ZNF98: variants seen among roughly 807,000 people sequenced by gnomAD.
ZNF98 encodes the protein zinc finger protein 739.
ZNF98 carries 8 observed loss-of-function variants against 12.8 expected under a neutral mutation model. The ratio of observed to expected loss-of-function variants is 0.63; its 90% CI spans 0.37 to 1.13. The LOEUF (loss-of-function observed/expected upper bound fraction) is 1.13. ZNF98 is among the 50% of genes most tolerant of loss of function. ZNF98 has a pLI of 0.01. For synonymous variants in ZNF98, 112 were observed against 223.5 expected (o/e 0.50, Z 4.45); for missense variants, 379 against 666.1 (o/e 0.57, Z 4.74).
Position 22,402,800 on chromosome 19 carries a change from G to C in ZNF98, c.242C>G (p.Thr81Ser). 6.3e-7 allele frequency: 1 copy of C among 1,595,520 alleles called. No homozygotes were observed. The highest frequency in any genetic ancestry group is 8.5e-7 in the Non-Finnish European group (1 of 1,173,804). Residue 81 changes from threonine to serine, a missense_variant, in exon 3 of 4, where the codon ACT becomes AGT. Thr to Ser is a moderately conservative substitution (Grantham distance 58). Transcript: ENST00000357774. ...PWNVKRHEMV[T>S]EPPVVYSYFA... ...TCACTCTCACCTACCTGGGGGTTCA[G>C]TTACCATCTCATGTCTCTTCACATT...
chr19:22,399,807 C>T (rs892513821), intron 3 of ZNF98, among the ~76,000 whole-genome samples: 2 of 152,132 alleles, frequency 1.3e-5, no homozygotes, highest in African/African-American at 4.8e-5. Flanking sequence ...CAAGAAAATT[C>T]ATCAGCCTGA....
intron 1 of ZNF98, among the ~76,000 whole-genome samples, chr19:22,418,707 C>T (rs1969672205): frequency 1.3e-5 from 2 of 152,108 alleles, no homozygotes; most frequent in African/African-American, 2.4e-5. Context: ...GGTGAAACCC[C>T]GCCTCTACTA....
chr19:22,410,387 T>C (rs1283084604), intron 1 of ZNF98, among the ~76,000 whole-genome samples: 3 of 152,160 alleles, frequency 2.0e-5, no homozygotes, highest in Non-Finnish European at 2.9e-5. Context: ...AAATAAAATA[T>C]GGTACATACA....
At chr19:22,417,744 A>G (rs2033494) in intron 1 of ZNF98, among the ~76,000 whole-genome samples, 58,695 of 151,960 alleles carry the variant, frequency 0.39, 11,984 homozygotes, top group Middle Eastern at 0.58. Flanking sequence ...TAGAATCAAA[A>G]ATGCTGTTGT....
At chr19:22,406,762 A>C (rs1439553879) in intron 1 of ZNF98, among the ~76,000 whole-genome samples, 3 of 151,662 alleles carry the variant, frequency 2.0e-5, no homozygotes, top group African/African-American at 7.3e-5. Context: ...GCTTGCAGTG[A>C]GCTGAGATCG....
intron 1 of ZNF98, among the ~76,000 whole-genome samples, chr19:22,411,744 T>C (rs1969583397): frequency 6.6e-6 from 1 of 152,234 alleles, no homozygotes; most frequent in African/African-American, 2.4e-5. Flanking sequence ...TCCTCCCTTA[T>C]TTTCACATAT....
Position 22,419,741 on chromosome 19 carries a change from C to T in ZNF98, c.30+2454G>A, listed in dbSNP as rs903446277. ...TAGTAAACAATTAGTCATATGGGAC[C>T]ATTTCTAGGAGGTACCAAGTTTTAT... On this transcript the variant is annotated intron_variant, in intron 1 of 3. Coordinates refer to ENST00000357774, the MANE Select transcript of ZNF98 (RefSeq NM_001098626.2). 5.9e-5 allele frequency among the ~76,000 whole-genome samples: 9 copies of T among 152,138 alleles called. No homozygotes were observed. In the East Asian group the frequency reaches 1.7e-3, roughly 29 times the overall value.
chr19:22,411,119 T>G (rs141647920), intron 1 of ZNF98, among the ~76,000 whole-genome samples: 2,353 of 152,320 alleles, frequency 0.015, 74 homozygotes, highest in African/African-American at 0.054. Flanking sequence ...CTGCACTTAC[T>G]GCAACCTCTG....
At chr19:22,421,627 G>A (rs1969705116) in intron 1 of ZNF98, among the ~76,000 whole-genome samples, 1 of 152,118 alleles carries the variant, frequency 6.6e-6, no homozygotes, top group African/African-American at 2.4e-5. Flanking sequence ...CTACGTAAAT[G>A]TACCTAACCG....
intron 3 of ZNF98, among the ~76,000 whole-genome samples, chr19:22,396,354 A>G (rs1320825470): frequency 6.6e-6 from 1 of 152,140 alleles, no homozygotes; most frequent in Non-Finnish European, 1.5e-5. Context: ...AGTTTTATGG[A>G]ACCCCCAAGG....
chr19:22,397,307 A>G (rs1029414082), intron 3 of ZNF98, among the ~76,000 whole-genome samples: 1 of 151,996 alleles, frequency 6.6e-6, no homozygotes, highest in Non-Finnish European at 1.5e-5. Flanking sequence ...AGAGCAACAT[A>G]ATTATAGTAG....
chr19:22,421,863 A>G (rs1355172149), intron 1 of ZNF98, among the ~76,000 whole-genome samples: 1 of 152,126 alleles, frequency 6.6e-6, no homozygotes, highest in Admixed American at 6.6e-5. Flanking sequence ...CCTCACCCCC[A>G]GCACCCCGAG....
chr19:22,406,904 G>A (rs1283506091), intron 1 of ZNF98, among the ~76,000 whole-genome samples: 1 of 152,130 alleles, frequency 6.6e-6, no homozygotes, highest in Non-Finnish European at 1.5e-5. Context: ...TCTCCAGCAA[G>A]GGTGCAGAAC....
intron 3 of ZNF98, among the ~76,000 whole-genome samples, chr19:22,400,078 A>T (rs538625264): frequency 6.6e-6 from 1 of 152,274 alleles, no homozygotes; most frequent in South Asian, 2.1e-4. Context: ...CAGACCAGAA[A>T]ATGGCCCACC....
intron 3 of ZNF98, among the ~76,000 whole-genome samples, chr19:22,399,292 A>T (rs1306035233): frequency 2.6e-5 from 4 of 152,224 alleles, no homozygotes; most frequent in Non-Finnish European, 5.9e-5. Context: ...TAAAAGTTTC[A>T]GATAAAATGC....
intron 1 of ZNF98, among the ~76,000 whole-genome samples, chr19:22,404,351 G>T (rs1969496596): frequency 6.6e-6 from 1 of 152,268 alleles, no homozygotes; most frequent in African/African-American, 2.4e-5. Flanking sequence ...GGAAGAGCCT[G>T]TGTGTTTTTC....
chr19:22,415,372 A>G (rs1256429603), intron 1 of ZNF98, among the ~76,000 whole-genome samples: 1 of 152,180 alleles, frequency 6.6e-6, no homozygotes, highest in Non-Finnish European at 1.5e-5. Flanking sequence ...CCAGTAAAAT[A>G]CAAATTATTC....
intron 1 of ZNF98, among the ~76,000 whole-genome samples, chr19:22,416,073 G>A (rs1376276179): frequency 6.6e-6 from 1 of 151,598 alleles, no homozygotes; most frequent in East Asian, 1.9e-4. Flanking sequence ...GAACCCGGGA[G>A]GCAGAAGTTG....
At chr19:22,403,720 C>A (rs1046419928) in intron 1 of ZNF98, among the ~76,000 whole-genome samples, 2 of 152,184 alleles carry the variant, frequency 1.3e-5, no homozygotes, top group Non-Finnish European at 2.9e-5. Flanking sequence ...TCCACAACAT[C>A]GAGGTATAGA....
Sources: allele counts gnomAD v4.1 joint callset (sites outside exome capture counted in the v4.1 genomes callset), GRCh38; gene constraint gnomAD v4.1.1; transcripts MANE v1.5; gene names NCBI Gene and HGNC (gene_info 2026-07-23, HGNC 2026-07-21).